The following PAX5 variants were observed in gnomAD, a reference collection of about 807,000 sequenced individuals.
PAX5 encodes paired box 5.
Under a neutral mutation model 43.7 loss-of-function variants are expected in PAX5, and 9 were observed. That is an observed-to-expected ratio of 0.21 (90% CI 0.12 to 0.36). PAX5 has a LOEUF of 0.36. PAX5 is among the 10% of genes least tolerant of loss of function. The pLI, the probability that PAX5 is intolerant of heterozygous loss-of-function variation, is 1.00. For missense variants in PAX5, 383 were observed against 532.7 expected (o/e 0.72, Z 2.77); for synonymous variants, 228 against 214.3 (o/e 1.06, Z -0.56).
intron 7 of PAX5, among the ~76,000 whole-genome samples, chr9:36,920,262 G>T (rs1472041357): frequency 6.6e-6 from 1 of 152,212 alleles, no homozygotes; most frequent in African/African-American, 2.4e-5. Context: ...AATTTTGAAA[G>T]AAATTCTATG....
At chr9:37,023,530 G>T (rs1212441595) in intron 1 of PAX5, among the ~76,000 whole-genome samples, 1 of 152,170 alleles carries the variant, frequency 6.6e-6, no homozygotes, top group Non-Finnish European at 1.5e-5. Flanking sequence ...AGGGCAGACT[G>T]GGCAGTGTTT....
chr9:36,843,300 A>G (rs1822255836), intron 9 of PAX5, among the ~76,000 whole-genome samples: 1 of 152,158 alleles, frequency 6.6e-6, no homozygotes, highest in South Asian at 2.1e-4. Flanking sequence ...CTCTCAGGCC[A>G]CGCTGAAGAC....
chr9:37,034,097 T>G lies in PAX5; in HGVS notation c.-66A>C. ...TTCCACTTTTTTGTGCCTTTTTTTTTCTTTTTTTTTTTTTTTTTTTTTTTT... is the reference window on the plus strand; with the variant it reads ...TTCCACTTTTTTGTGCCTTTTTTTTGCTTTTTTTTTTTTTTTTTTTTTTTT... On this transcript the variant is annotated 5_prime_UTR_variant, in exon 1 of 10. Transcript: ENST00000358127. The G allele has an allele frequency of 4.8e-6, 3 of 619,482 alleles. No homozygotes were observed. The highest frequency in any genetic ancestry group is 4.7e-4 in the Middle Eastern group (1 of 2,130). 38.4% of individuals were successfully genotyped at this position (619,482 alleles called of 1,614,324 possible).
At chr9:37,029,557 A>G (rs1840764431) in intron 1 of PAX5, among the ~76,000 whole-genome samples, 1 of 152,224 alleles carries the variant, frequency 6.6e-6, no homozygotes, top group African/African-American at 2.4e-5. Context: ...GAAGATCGCA[A>G]CAGCAGAGAG....
chr9:36,950,153 C>G (rs1025914969), intron 6 of PAX5, among the ~76,000 whole-genome samples: 4 of 152,202 alleles, frequency 2.6e-5, no homozygotes, highest in African/African-American at 9.7e-5. Flanking sequence ...AACCCTTGAA[C>G]TACTGTAACC....
chr9:36,960,486 G>A (rs1456116681), intron 6 of PAX5, among the ~76,000 whole-genome samples: 2 of 152,168 alleles, frequency 1.3e-5, no homozygotes, highest in African/African-American at 4.8e-5. Context: ...GGCGTGATGG[G>A]GATGAAGGTC....
chr9:36,925,182 T>G (rs912723016), intron 6 of PAX5, among the ~76,000 whole-genome samples: 1 of 152,094 alleles, frequency 6.6e-6, no homozygotes, highest in African/African-American at 2.4e-5. Flanking sequence ...AAGTTTTGAC[T>G]GGGGGTGATG....
chr9:36,969,652 T>G (rs1291232387), intron 5 of PAX5, among the ~76,000 whole-genome samples: 1 of 152,222 alleles, frequency 6.6e-6, no homozygotes, highest in Non-Finnish European at 1.5e-5. Context: ...TCTGGTTCTT[T>G]GAGAGTCAGC....
intron 7 of PAX5, among the ~76,000 whole-genome samples, chr9:36,883,233 G>A (rs545039504): frequency 6.6e-6 from 1 of 152,294 alleles, no homozygotes; most frequent in South Asian, 2.1e-4. Context: ...AACCCCAACA[G>A]TTTCTGCTGC....
intron 1 of PAX5, among the ~76,000 whole-genome samples, chr9:37,025,481 C>T (rs903265044): frequency 5.3e-5 from 8 of 152,200 alleles, no homozygotes; most frequent in Admixed American, 3.3e-4. Context: ...GGGAGCAACT[C>T]CCTGACCTGA....
chr9:37,006,449 ATT>A (rs759398035), intron 4 of PAX5, 22 bp downstream of exon 4: 1 of 1,581,674 alleles, frequency 6.3e-7, no homozygotes, highest in Non-Finnish European at 8.7e-7. Context: ...AGATTTTTAA[ATT>A]TTTTTTAAAA....
intron 7 of PAX5, among the ~76,000 whole-genome samples, chr9:36,907,333 T>G (rs186187834): frequency 6.6e-6 from 1 of 152,202 alleles, no homozygotes; most frequent in South Asian, 2.1e-4. Context: ...AAGTGCTTCT[T>G]CTCACTAAAC....
chr9:36,962,222 T>A (rs1700702938), intron 6 of PAX5, among the ~76,000 whole-genome samples: 1 of 66,564 alleles, frequency 1.5e-5, no homozygotes, highest in Admixed American at 1.5e-4. Flanking sequence ...TTCTGAGAGT[T>A]CTGGATGACA....
intron 5 of PAX5, among the ~76,000 whole-genome samples, chr9:36,988,520 G>A (rs1259165363): frequency 6.6e-6 from 1 of 151,906 alleles, no homozygotes; most frequent in African/African-American, 2.4e-5. Context: ...AAAAATAGCC[G>A]GGTGTGGTGG....
At position 36,840,260 on chromosome 9, in the gene PAX5, C is replaced by T; in HGVS notation, c.*300G>A. On this transcript the variant is annotated 3_prime_UTR_variant, in exon 10 of 10. Transcript: ENST00000358127. The stretch of plus-strand genomic sequence containing the variant: ...GATGGATAGTCAGACAGCTGGAGGA[C>T]AGGCAGGCTGGGCTGGGGCTGCGGT... 1 of 527,882 alleles carries T rather than the reference C, an allele frequency of 1.9e-6. No homozygotes were observed. Among genetic ancestry groups the T allele is most frequent in the Non-Finnish European group, 3.4e-6 (1 of 296,180 alleles). The allele number at this position is 527,882 out of a possible 1,614,324, so 32.7% of individuals were successfully genotyped here.
chr9:37,027,237 C>T (rs548981354), intron 1 of PAX5, among the ~76,000 whole-genome samples: 5 of 152,340 alleles, frequency 3.3e-5, no homozygotes, highest in African/African-American at 9.6e-5. Flanking sequence ...GATGCTTCCG[C>T]CCCTGACGCT....
intron 6 of PAX5, among the ~76,000 whole-genome samples, chr9:36,958,761 C>T (rs907982504): frequency 4.6e-5 from 7 of 152,172 alleles, no homozygotes; most frequent in African/African-American, 1.7e-4. Flanking sequence ...GTAATACAAT[C>T]CAAGGCCCTG....
At chr9:36,874,832 C>T (rs1587837464) in intron 8 of PAX5, among the ~76,000 whole-genome samples, 3 of 152,172 alleles carry the variant, frequency 2.0e-5, no homozygotes, top group African/African-American at 7.2e-5. Context: ...CTCTGTTCAC[C>T]GCCCTATCCA....
rs552446990 is a variant in PAX5 at position 36,837,504 on chromosome 9, T to C, written c.*3056A>G. On this transcript the variant is annotated 3_prime_UTR_variant, in exon 10 of 10. Transcript: ENST00000358127. ...TGCCCCAGGCCTTCTGCCACGATGC[T>C]GGTGAGGCCCCGGACTTGTGTTTTC... The C allele has an allele frequency of 6.4e-5, 15 of 233,356 alleles. No homozygotes were observed. The highest frequency in any genetic ancestry group is 8.8e-5 in the African/African-American group (4 of 45,486). The allele number at this position is 233,356 out of a possible 1,614,324, so 14.5% of individuals were successfully genotyped here. A position where few individuals can be genotyped will look rare whatever the true frequency, so the allele number is the denominator to read the frequency against.
Sources: gnomAD v4.1 joint callset for allele counts (sites outside exome capture counted in the v4.1 genomes callset) on GRCh38, gnomAD v4.1.1 for gene constraint, MANE v1.5 for transcripts, NCBI Gene and HGNC (gene_info 2026-07-23, HGNC 2026-07-21) for gene names.